Variants in FMN1 observed in about 807,000 individuals in gnomAD.
The protein encoded by FMN1 is formin 1.
Under a neutral mutation model 132.4 loss-of-function variants are expected in FMN1, and 110 were observed. That is an observed-to-expected ratio of 0.83 (90% confidence interval 0.71 to 0.97). The LOEUF is 0.97. Ranked by LOEUF, FMN1 falls within the 50% of genes least tolerant of loss-of-function variation. The pLI is 0.00. For missense variants in FMN1, 1,792 were observed against 1,705.3 expected, an observed-to-expected ratio of 1.05 and a Z score of -0.90; for synonymous variants, 722 against 651.7, an observed-to-expected ratio of 1.11 and a Z score of -1.64.
intron 4 of FMN1, among the ~76,000 whole-genome samples, chr15:33,120,174 A>G (rs1962417089): frequency 6.6e-6 from 1 of 152,210 alleles, no homozygotes; most frequent in African/African-American, 2.4e-5. Flanking sequence ...GTGAAATGAA[A>G]ATTGTTTTTC....
chr15:32,838,783 T>G (rs2141200931), intron 17 of FMN1, among the ~76,000 whole-genome samples: 1 of 152,360 alleles, frequency 6.6e-6, no homozygotes. Context: ...TTCTCCCAAA[T>G]GAGCTGAATG....
At chr15:32,985,597 G>A (rs1265107684) in intron 7 of FMN1, among the ~76,000 whole-genome samples, 1 of 152,124 alleles carries the variant, frequency 6.6e-6, no homozygotes, top group Non-Finnish European at 1.5e-5. Flanking sequence ...TTACATACAT[G>A]ATAAAAACTG....
chr15:33,007,325 G>C (rs1192079451), intron 7 of FMN1, among the ~76,000 whole-genome samples: 1 of 152,120 alleles, frequency 6.6e-6, no homozygotes, highest in Non-Finnish European at 1.5e-5. Flanking sequence ...GAAGCAGGGG[G>C]TTACTGCAGC....
At chr15:33,041,662 C>T (rs150339421) in intron 6 of FMN1, among the ~76,000 whole-genome samples, 2,367 of 151,908 alleles carry the variant, frequency 0.016, 51 homozygotes, top group South Asian at 0.089. Context: ...ATCAAAACCA[C>T]ATCATCTCAT....
At chr15:33,124,176 T>C (rs1298015293) in intron 4 of FMN1, among the ~76,000 whole-genome samples, 2 of 151,954 alleles carry the variant, frequency 1.3e-5, no homozygotes, top group Non-Finnish European at 2.9e-5. Flanking sequence ...CCATGCAGAG[T>C]GCAAAGGGTG....
Position 32,804,423 on chromosome 15 carries a change from AGGAGGTCTG to A in FMN1, c.3929-100_3929-92del, listed in dbSNP as rs528205022. On this transcript the variant is annotated intron_variant, in intron 17 of 20. Coordinates refer to ENST00000616417, the MANE Select transcript of FMN1 (RefSeq NM_001277313.2). ...TTCAATTACACCCATTCATTACCACAGGAGGTCTGAATTCGGGGGGGGGGGGGGGGGGTA... is the reference window on the plus strand; with the variant it reads ...TTCAATTACACCCATTCATTACCACAAATTCGGGGGGGGGGGGGGGGGGTA... The A allele has an allele frequency of 0.45, 70,083 of 155,142 alleles. 12,923 individuals carry two copies. Among genetic ancestry groups the A allele is most frequent in the Admixed American group, 0.54 (6,421 of 11,864 alleles). The allele number at this position is 155,142 out of a possible 1,614,324, so 9.6% of individuals were successfully genotyped here. A position where few individuals can be genotyped will look rare whatever the true frequency, so the allele number is the denominator to read the frequency against.
intron 17 of FMN1, among the ~76,000 whole-genome samples, chr15:32,819,088 G>A (rs772857066): frequency 9.9e-5 from 15 of 152,244 alleles, no homozygotes; most frequent in Non-Finnish European, 2.2e-4. Flanking sequence ...CATGATCTGC[G>A]AAGGCAGGCA....
intron 5 of FMN1, chr15:33,067,197 G>A (rs745898929): frequency 4.0e-5 from 64 of 1,613,582 alleles, no homozygotes; most frequent in Admixed American, 2.5e-4. Context: ...TCCTGGCTGG[G>A]GCGACGCTCT....
chr15:33,190,596 AGGAG>A (rs1966040689), intron 2 of FMN1, among the ~76,000 whole-genome samples: 1 of 152,226 alleles, frequency 6.6e-6, no homozygotes, highest in Non-Finnish European at 1.5e-5. Flanking sequence ...CTATGGCTAA[AGGAG>A]TGTTTAACAA....
intron 4 of FMN1, among the ~76,000 whole-genome samples, chr15:33,099,281 A>C (rs1377389367): frequency 6.6e-6 from 1 of 152,146 alleles, no homozygotes; most frequent in Non-Finnish European, 1.5e-5. Context: ...GCAGACTGAG[A>C]CCCTGTCTCA....
intron 4 of FMN1, among the ~76,000 whole-genome samples, chr15:33,122,864 T>C (rs1019439175): frequency 1.3e-5 from 2 of 152,196 alleles, no homozygotes; most frequent in Non-Finnish European, 2.9e-5. Flanking sequence ...TGACATAGTA[T>C]AGGCTATCCA....
chr15:32,848,193 G>A (rs1458626658), intron 17 of FMN1, among the ~76,000 whole-genome samples: 1 of 152,122 alleles, frequency 6.6e-6, no homozygotes, highest in Non-Finnish European at 1.5e-5. Flanking sequence ...GTAAATTAGG[G>A]TTCATGTTAC....
intron 16 of FMN1, among the ~76,000 whole-genome samples, chr15:32,860,124 GAGAGACAA>G (rs1194007612): frequency 7.1e-6 from 1 of 141,288 alleles, no homozygotes; most frequent in Non-Finnish European, 1.6e-5. Flanking sequence ...AGAAGGAAGA[GAGAGACAA>G]AGAGAGAAAG....
At chr15:33,125,780 ACT>A (rs1428319740) in intron 4 of FMN1, among the ~76,000 whole-genome samples, 1 of 152,082 alleles carries the variant, frequency 6.6e-6, no homozygotes, top group Non-Finnish European at 1.5e-5. Context: ...AAAAACTCCC[ACT>A]GTTTTAGTGA....
chr15:33,139,150 T>C (rs1261290411), intron 4 of FMN1, among the ~76,000 whole-genome samples: 1 of 152,246 alleles, frequency 6.6e-6, no homozygotes, highest in African/African-American at 2.4e-5. Context: ...TCTTAATCCA[T>C]ATTGACTATG....
intron 8 of FMN1, among the ~76,000 whole-genome samples, chr15:32,965,792 G>A (rs1242531485): frequency 6.6e-6 from 1 of 152,036 alleles, no homozygotes; most frequent in Non-Finnish European, 1.5e-5. Flanking sequence ...ATGACATATG[G>A]AAGTTATAAA....
intron 17 of FMN1, among the ~76,000 whole-genome samples, chr15:32,808,839 T>C (rs1254283682): frequency 6.6e-6 from 1 of 152,170 alleles, no homozygotes; most frequent in Non-Finnish European, 1.5e-5. Context: ...CTTTAGAATG[T>C]TCATAACTGC....
chr15:33,022,303 G>A (rs987425933), intron 6 of FMN1, among the ~76,000 whole-genome samples: 7 of 152,130 alleles, frequency 4.6e-5, no homozygotes, highest in East Asian at 1.9e-4. Context: ...ACTGAAACTC[G>A]AAGTTTGCTA....
intron 19 of FMN1, among the ~76,000 whole-genome samples, chr15:32,785,194 G>GTATATATA (rs1567162778): frequency 6.5e-4 from 14 of 21,536 alleles, no homozygotes; most frequent in African/African-American, 1.7e-3. Context: ...GTGTGTGTGT[G>GTATATATA]TGTGTGTATA....
Sources: allele counts gnomAD v4.1 joint callset (sites outside exome capture counted in the v4.1 genomes callset), GRCh38; gene constraint gnomAD v4.1.1; transcripts MANE v1.5; gene names NCBI Gene and HGNC (gene_info 2026-07-23, HGNC 2026-07-21).